CCL17: variants seen among roughly 807,000 people sequenced by gnomAD.
CCL17 encodes C-C motif chemokine ligand 17.
A neutral mutation model predicts 7.4 loss-of-function variants in CCL17; 8 were observed. That is an observed-to-expected ratio of 1.09 (90% CI 0.64 to 1.96). The LOEUF (loss-of-function observed/expected upper bound fraction) is 1.96. Among genes scored for constraint, CCL17 ranks in the 30% most tolerant of loss-of-function variants. CCL17 has a pLI of 0.00. For missense variants in CCL17, 102 were observed against 113.0 expected (o/e 0.90, Z 0.44); for synonymous variants, 40 against 46.1 (o/e 0.87, Z 0.54).
At chr16:57,414,861 C>A (rs1414766398) in intron 2 of CCL17, among the ~76,000 whole-genome samples, 6 of 152,014 alleles carry the variant, frequency 3.9e-5, no homozygotes, top group Admixed American at 2.6e-4. Flanking sequence ...CCCACAAACA[C>A]ACGGGACCCC....
At chr16:57,398,279 G>A in the CCL17 span, among the ~76,000 whole-genome samples, 1 of 152,198 alleles carries the variant, frequency 6.6e-6, no homozygotes, top group African/African-American at 2.4e-5. Context: ...CCAGCCTTTA[G>A]CTACTACATC....
chr16:57,403,668 A>ATTT (rs1246215437), upstream of CCL17, among the ~76,000 whole-genome samples: 4 of 91,146 alleles, frequency 4.4e-5, no homozygotes, highest in South Asian at 2.8e-4. Context: ...ATATATATAT[A>ATTT]TTTTTTGAGA....
At chr16:57,396,698 G>A in the CCL17 span, among the ~76,000 whole-genome samples, 15 of 152,112 alleles carry the variant, frequency 9.9e-5, no homozygotes, top group African/African-American at 2.7e-4. Flanking sequence ...TCTGAGAAGC[G>A]GACAAGCCAT....
chr16:57,410,136 A>G (rs1376072217), intron 1 of CCL17, among the ~76,000 whole-genome samples: 2 of 152,102 alleles, frequency 1.3e-5, no homozygotes, highest in Non-Finnish European at 1.5e-5. Context: ...CTGCCCTGTG[A>G]CTGAGAGCAT....
upstream of CCL17, among the ~76,000 whole-genome samples, chr16:57,403,484 A>AT (rs1902637204): frequency 1.5e-3 from 3 of 1,976 alleles, 1 homozygote; most frequent in Non-Finnish European, 4.9e-3. Context: ...TATATTATAT[A>AT]ATAATATATA....
chr16:57,400,111 G>A (rs954119271), upstream of CCL17, among the ~76,000 whole-genome samples: 1 of 152,226 alleles, frequency 6.6e-6, no homozygotes, highest in Non-Finnish European at 1.5e-5. Context: ...TGTAATCCCA[G>A]CACTTTGGGA....
chr16:57,401,611 G>C (rs1332958604), upstream of CCL17, among the ~76,000 whole-genome samples: 2 of 152,154 alleles, frequency 1.3e-5, no homozygotes, highest in African/African-American at 4.8e-5. Flanking sequence ...TTAGTGAGCT[G>C]TGAAGAAATG....
chr16:57,412,090 A>G (rs1238315107), intron 1 of CCL17, among the ~76,000 whole-genome samples: 1 of 152,202 alleles, frequency 6.6e-6, no homozygotes, highest in African/African-American at 2.4e-5. Context: ...TGTTGGTGCG[A>G]GGCCCACCAA....
upstream of CCL17, among the ~76,000 whole-genome samples, chr16:57,403,591 TA>T (rs1902647079): frequency 1.5e-5 from 1 of 65,598 alleles, no homozygotes; most frequent in Non-Finnish European, 2.7e-5. Flanking sequence ...ATATAATATA[TA>T]TTTATAATAT....
chr16:57,401,524 G>GAA (rs148565902), upstream of CCL17, among the ~76,000 whole-genome samples: 4 of 124,120 alleles, frequency 3.2e-5, no homozygotes, highest in Admixed American at 8.5e-5. Context: ...ACTCTGTCTG[G>GAA]AAAAAAAAAA....
Position 57,415,191 on chromosome 16 carries a change from G to A in CCL17, c.181G>A (p.Ala61Thr). Reference sequence around the variant, plus strand: ...GACATCTGAGGACTGCTCCAGGGATGCCATCGTGTAAGTCCCCCTGGCTCC... The same window carrying A: ...GACATCTGAGGACTGCTCCAGGGATACCATCGTGTAAGTCCCCCTGGCTCC... ...YQTSEDCSRD[A>T]IVFVTVQGRA... The change falls in exon 3 of 4, where the codon GCC (alanine) becomes ACC (threonine). Residue 61 changes from alanine (A) to threonine (T), a missense_variant. Transcript: ENST00000219244. This position sits in a 1 kb window ranked among gnomAD's most constrained non-coding sequence, Gnocchi z 4.5. 5 of 1,603,444 alleles carry A rather than the reference G, an allele frequency of 3.1e-6. No homozygotes were observed. Among genetic ancestry groups the A allele is most frequent in the South Asian group, 2.2e-5 (2 of 90,894 alleles).
At chr16:57,402,386 T>A (rs1401998703), upstream of CCL17, among the ~76,000 whole-genome samples, 4 of 152,228 alleles carry the variant, frequency 2.6e-5, no homozygotes, top group Non-Finnish European at 4.4e-5. Flanking sequence ...CTTCCCAGGA[T>A]GCTGGGTGCT....
chr16:57,412,749 A>C (rs1902804242), intron 1 of CCL17, among the ~76,000 whole-genome samples: 1 of 151,974 alleles, frequency 6.6e-6, no homozygotes, highest in Non-Finnish European at 1.5e-5. Context: ...TGCCCACCTG[A>C]AGGCCATGGG....
At chr16:57,409,531 A>G (rs1198011062) in intron 1 of CCL17, among the ~76,000 whole-genome samples, 1 of 152,112 alleles carries the variant, frequency 6.6e-6, no homozygotes, top group African/African-American at 2.4e-5. Context: ...TGGGCTTTTG[A>G]GAGGAAGATG....
intron 1 of CCL17, among the ~76,000 whole-genome samples, chr16:57,412,312 T>C (rs79419028): frequency 0.012 from 1,794 of 152,160 alleles, 37 homozygotes; most frequent in African/African-American, 0.041. Context: ...AGGCAGCCCT[T>C]GCTGAGGGGT....
the CCL17 span, among the ~76,000 whole-genome samples, chr16:57,398,597 G>T: frequency 6.9e-6 from 1 of 143,988 alleles, no homozygotes; most frequent in East Asian, 2.3e-4. Context: ...CCCTGCAACT[G>T]TTTTAATGTC....
intron 1 of CCL17, among the ~76,000 whole-genome samples, chr16:57,405,471 T>C (rs761431625): frequency 6.6e-6 from 1 of 152,082 alleles, no homozygotes; most frequent in Non-Finnish European, 1.5e-5. Context: ...TGGGAAACAA[T>C]GCTGGCTTGA....
At chr16:57,403,185 A>T (rs866002401), upstream of CCL17, among the ~76,000 whole-genome samples, 72 of 49,252 alleles carry the variant, frequency 1.5e-3, 1 homozygote, top group African/African-American at 6.0e-3. Context: ...TAATATATAT[A>T]ATATATATTA....
the CCL17 span, among the ~76,000 whole-genome samples, chr16:57,396,878 C>T: frequency 2.6e-5 from 4 of 152,144 alleles, no homozygotes; most frequent in African/African-American, 4.8e-5. Context: ...TTCGTGGTTG[C>T]AGGGCCATGT....
Sources: gnomAD v4.1 joint callset for allele counts (sites outside exome capture counted in the v4.1 genomes callset) on GRCh38, gnomAD v4.1.1 for gene constraint, Gnocchi (gnomAD v3.1) non-coding constraint, MANE v1.5 for transcripts, NCBI Gene and HGNC (gene_info 2026-07-23, HGNC 2026-07-21) for gene names.